The following SEMA3A variants were observed in gnomAD, a reference collection of about 807,000 sequenced individuals.
SEMA3A encodes the protein semaphorin-3A.
Under a neutral mutation model 97.9 loss-of-function variants are expected in SEMA3A, and 29 were observed. That is an observed-to-expected ratio of 0.30 (90% confidence interval 0.22 to 0.40). The LOEUF (loss-of-function observed/expected upper bound fraction) is 0.40, where lower values mean the gene tolerates loss of function less well. Ranked by LOEUF, SEMA3A falls within the 10% of genes least tolerant of loss-of-function variation. The pLI is 1.00. For synonymous variants in SEMA3A, 321 were observed against 323.7 expected, an observed-to-expected ratio of 0.99 and a Z score of 0.09; for missense variants, 763 against 951.3, an observed-to-expected ratio of 0.80 and a Z score of 2.60.
At chr7:84,001,919 T>C in intron 12 of SEMA3A, 36 bp downstream of exon 12, 1 of 1,449,340 alleles carries the variant, frequency 6.9e-7, no homozygotes, top group Non-Finnish European at 9.7e-7. Context: ...GACGTACAAC[T>C]GAACTTGTTG....
At chr7:84,026,806 A>G (rs144219842) in intron 6 of SEMA3A, among the ~76,000 whole-genome samples, 1 of 152,246 alleles carries the variant, frequency 6.6e-6, no homozygotes, top group Non-Finnish European at 1.5e-5. Context: ...ATAACCACTT[A>G]TGAACACAAA....
intron 4 of SEMA3A, among the ~76,000 whole-genome samples, chr7:84,072,029 A>G (rs1161472155): frequency 6.6e-6 from 1 of 151,938 alleles, no homozygotes; most frequent in Non-Finnish European, 1.5e-5. Flanking sequence ...AAATTCAAAT[A>G]TTACCAAGTT....
At chr7:84,414,464 G>A (rs956920381) in intron 1 of SEMA3A, among the ~76,000 whole-genome samples, 9 of 150,330 alleles carry the variant, frequency 6.0e-5, no homozygotes, top group South Asian at 2.1e-4. Context: ...TGATAAATAC[G>A]TGCAATGAAA....
intron 1 of SEMA3A, among the ~76,000 whole-genome samples, chr7:84,455,504 G>T (rs1805666141): frequency 6.6e-6 from 1 of 151,906 alleles, no homozygotes; most frequent in African/African-American, 2.4e-5. Context: ...TAGCTTAGAA[G>T]GTATGTGATA....
intron 4 of SEMA3A, among the ~76,000 whole-genome samples, chr7:84,092,440 G>A (rs997173010): frequency 2.0e-5 from 3 of 152,008 alleles, no homozygotes; most frequent in African/African-American, 7.2e-5. Flanking sequence ...GAAAACTGCC[G>A]CTGAACATCA....
chr7:84,283,564 T>A (rs1263908977), intron 3 of SEMA3A, among the ~76,000 whole-genome samples: 1 of 151,494 alleles, frequency 6.6e-6, no homozygotes, highest in Non-Finnish European at 1.5e-5. Context: ...ACTGATTGCA[T>A]GTGGCAAAAA....
chr7:84,190,693 C>T (rs535850921), intron 1 of SEMA3A, among the ~76,000 whole-genome samples: 2 of 147,980 alleles, frequency 1.4e-5, no homozygotes, highest in South Asian at 4.2e-4. Context: ...AGACAACACC[C>T]ACTCTATTAT....
chr7:83,971,074 G>A (rs942317966), intron 15 of SEMA3A, among the ~76,000 whole-genome samples: 7 of 151,998 alleles, frequency 4.6e-5, no homozygotes, highest in African/African-American at 1.4e-4. Flanking sequence ...TTTATAAAAT[G>A]AAAACAAAAA....
At chr7:84,289,988 A>G (rs937847124) in intron 3 of SEMA3A, among the ~76,000 whole-genome samples, 6 of 152,140 alleles carry the variant, frequency 3.9e-5, no homozygotes, top group Non-Finnish European at 7.3e-5. Flanking sequence ...CTTTGAAAAC[A>G]TGCTAAGTGA....
intron 3 of SEMA3A, among the ~76,000 whole-genome samples, chr7:84,269,919 G>A (rs1800101837): frequency 6.6e-6 from 1 of 152,078 alleles, no homozygotes; most frequent in African/African-American, 2.4e-5. Context: ...CTTAAAAGAA[G>A]CTTAATTTAA....
rs533591135 is a variant in SEMA3A, at chr7:84,435,555, C to T, written c.-246+56905G>A. On this transcript the variant is annotated intron_variant, in intron 1 of 3. Coordinates refer to the SEMA3A transcript ENST00000424555. ...CCTGGGAGGCGGAAGTTGCAGTGAG[C>T]CAAGATCGGGCCAATGCCCTCCAGC... Among the ~76,000 whole-genome samples the T allele has an allele frequency of 3.3e-5, 5 of 152,256 alleles. No homozygotes were observed. In the South Asian group the frequency reaches 1.0e-3, roughly 32 times the overall value.
intron 1 of SEMA3A, among the ~76,000 whole-genome samples, chr7:84,165,040 A>G (rs956480330): frequency 6.6e-6 from 1 of 151,986 alleles, no homozygotes; most frequent in Admixed American, 6.6e-5. Flanking sequence ...AAACCCCGTC[A>G]CTACAAAAAA....
At chr7:84,193,538 A>G (rs941044710) in intron 1 of SEMA3A, among the ~76,000 whole-genome samples, 2 of 151,938 alleles carry the variant, frequency 1.3e-5, no homozygotes, top group African/African-American at 4.8e-5. Flanking sequence ...TTAATCTTCA[A>G]CTCCATTTTA....
intron 3 of SEMA3A, among the ~76,000 whole-genome samples, chr7:84,287,429 A>G (rs551953963): frequency 7.2e-5 from 11 of 152,250 alleles, no homozygotes; most frequent in Admixed American, 5.9e-4. Flanking sequence ...TTTTTCAGTA[A>G]TTCCAAAAGA....
At chr7:84,144,978 A>G (rs1187233450) in intron 1 of SEMA3A, among the ~76,000 whole-genome samples, 1 of 152,114 alleles carries the variant, frequency 6.6e-6, no homozygotes, top group East Asian at 1.9e-4. Flanking sequence ...GTGTATATGC[A>G]TGTGTGTTTA....
At chr7:84,332,598 T>C (rs1801933776) in intron 2 of SEMA3A, among the ~76,000 whole-genome samples, 1 of 152,000 alleles carries the variant, frequency 6.6e-6, no homozygotes, top group African/African-American at 2.4e-5. Flanking sequence ...AGTGTGGTAG[T>C]TAAAAGAACA....
chr7:84,050,504 C>G (rs1792576056), intron 5 of SEMA3A, among the ~76,000 whole-genome samples: 1 of 151,998 alleles, frequency 6.6e-6, no homozygotes, highest in Non-Finnish European at 1.5e-5. Flanking sequence ...GCATAAATGT[C>G]TTCTTTTGAG....
intron 3 of SEMA3A, among the ~76,000 whole-genome samples, chr7:84,234,056 C>T (rs1464935804): frequency 6.6e-6 from 1 of 151,422 alleles, no homozygotes; most frequent in Non-Finnish European, 1.5e-5. Context: ...ATAATGAAAA[C>T]CATAATACAA....
At chr7:84,289,429 C>T (rs550968006) in intron 3 of SEMA3A, among the ~76,000 whole-genome samples, 26 of 152,136 alleles carry the variant, frequency 1.7e-4, no homozygotes, top group African/African-American at 5.3e-4. Context: ...CAATTATCTT[C>T]ATTTGATCAC....
Sources: gnomAD v4.1 joint callset for allele counts (sites outside exome capture counted in the v4.1 genomes callset) on GRCh38, gnomAD v4.1.1 for gene constraint, MANE v1.5 for transcripts, NCBI Gene and HGNC (gene_info 2026-07-23, HGNC 2026-07-21) for gene names.